Variants in CMSS1 observed in about 807,000 individuals in gnomAD.
CMSS1 encodes cms1 ribosomal small subunit homolog, also known as protein CMSS1.
In CMSS1, 33 loss-of-function variants were observed where a neutral mutation model predicts 43.5. The ratio of observed to expected loss-of-function variants is 0.76; its 90% CI spans 0.57 to 1.01. The LOEUF is 1.01. CMSS1 is among the 50% of genes least tolerant of loss of function. The pLI, the probability that CMSS1 is intolerant of heterozygous loss-of-function variation, is 0.00. For missense variants in CMSS1, 313 were observed against 326.4 expected, an observed-to-expected ratio of 0.96 and a Z score of 0.32; for synonymous variants, 115 against 117.2, an observed-to-expected ratio of 0.98 and a Z score of 0.12.
intron 2 of CMSS1, among the ~76,000 whole-genome samples, chr3:100,156,299 C>CTT (rs34413816): frequency 0.019 from 1,373 of 73,170 alleles, 145 homozygotes; most frequent in African/African-American, 0.035. Context: ...AATTTTTTTT[C>CTT]TTTTTTTTTT....
intron 1 of CMSS1, among the ~76,000 whole-genome samples, chr3:99,924,685 AT>A (rs1487076769): frequency 6.6e-6 from 1 of 151,326 alleles, no homozygotes; most frequent in Non-Finnish European, 1.5e-5. Context: ...TGCCCAACTA[AT>A]TTTTTTTGTA....
At chr3:100,036,797 C>A (rs1019895939) in intron 1 of CMSS1, among the ~76,000 whole-genome samples, 1 of 151,938 alleles carries the variant, frequency 6.6e-6, no homozygotes, top group African/African-American at 2.4e-5. Context: ...ACACTTTAAC[C>A]AAGTGATCAA....
intron 1 of CMSS1, among the ~76,000 whole-genome samples, chr3:100,038,328 T>C (rs1329798191): frequency 6.6e-6 from 1 of 152,172 alleles, no homozygotes; most frequent in Non-Finnish European, 1.5e-5. Context: ...GAGTCTATTA[T>C]TTTGAGCCCA....
At chr3:99,829,089 G>A (rs1161120539) in intron 1 of CMSS1, among the ~76,000 whole-genome samples, 1 of 152,122 alleles carries the variant, frequency 6.6e-6, no homozygotes, top group East Asian at 1.9e-4. Flanking sequence ...TGGGGAATGG[G>A]AGTTCCTTTA....
chr3:99,991,130 A>G (rs1471686752), intron 1 of CMSS1, among the ~76,000 whole-genome samples: 1 of 152,204 alleles, frequency 6.6e-6, no homozygotes, highest in Non-Finnish European at 1.5e-5. Flanking sequence ...CCATAATGGA[A>G]TATAACAGGA....
chr3:100,073,863 A>C (rs2107380971), intron 1 of CMSS1, among the ~76,000 whole-genome samples: 1 of 152,288 alleles, frequency 6.6e-6, no homozygotes, highest in Admixed American at 6.5e-5. Flanking sequence ...TTTCCTTTTA[A>C]AACACCAGAA....
At chr3:99,906,721 C>T (rs1457233543) in intron 1 of CMSS1, among the ~76,000 whole-genome samples, 1 of 152,176 alleles carries the variant, frequency 6.6e-6, no homozygotes, top group African/African-American at 2.4e-5. Flanking sequence ...GGCTGCCCAA[C>T]CAGACATTTC....
chr3:99,925,652 G>A (rs62283533), intron 1 of CMSS1, among the ~76,000 whole-genome samples: 4,303 of 152,254 alleles, frequency 0.028, 76 homozygotes, highest in Non-Finnish European at 0.045. Context: ...GGGCTTATAC[G>A]TGGATGCTAA....
intron 1 of CMSS1, among the ~76,000 whole-genome samples, chr3:99,820,784 G>C (rs537552244): frequency 3.3e-5 from 5 of 152,288 alleles, no homozygotes; most frequent in Admixed American, 1.3e-4. Flanking sequence ...ATTTGATAGG[G>C]ATGTCAAATG....
chr3:99,937,984 G>A (rs1335896487), intron 1 of CMSS1, among the ~76,000 whole-genome samples: 8 of 152,212 alleles, frequency 5.3e-5, no homozygotes, highest in Admixed American at 2.0e-4. Flanking sequence ...TCTCATAAGA[G>A]ATAGCAAAGA....
At chr3:99,997,699 C>T (rs1343474093) in intron 1 of CMSS1, among the ~76,000 whole-genome samples, 1 of 151,970 alleles carries the variant, frequency 6.6e-6, no homozygotes, top group African/African-American at 2.4e-5. Flanking sequence ...AATAATAGAG[C>T]AGATTTATTA....
rs761729949 is a variant in CMSS1, at chr3:100,176,343, C to A, written c.684C>A (p.Ser228Arg). 2.5e-6 allele frequency: 4 copies of A among 1,612,234 alleles called. No individual in the cohort carries two copies. Among genetic ancestry groups the A allele is most frequent in the Admixed American group, 3.3e-5 (2 of 59,978 alleles). Residue 228 changes from serine (S) to arginine (R), a missense_variant, in exon 9 of 10, where the codon AGC becomes AGA. Ser to Arg is a moderately radical substitution (Grantham distance 110). Transcript: ENST00000421999. ...ELVKQGGLNL[S>R]PLKFLVFDWN... ...CTCTTTCAGGTGGCCTTAATTTGAG[C>A]CCCTTAAAATTTCTGGTTTTTGACT...
chr3:99,916,356 G>A (rs1559686790), intron 1 of CMSS1, among the ~76,000 whole-genome samples: 1 of 151,770 alleles, frequency 6.6e-6, no homozygotes, highest in Admixed American at 6.6e-5. Flanking sequence ...GCTTTCTTGG[G>A]TCTCCAGTTT....
intron 1 of CMSS1, among the ~76,000 whole-genome samples, chr3:99,945,626 A>G (rs1338770278): frequency 1.3e-5 from 2 of 152,242 alleles, no homozygotes; most frequent in Admixed American, 6.5e-5. Flanking sequence ...CACACAGACT[A>G]AACTAAGCTC....
At chr3:99,952,581 A>G (rs1576596757) in intron 1 of CMSS1, among the ~76,000 whole-genome samples, 1 of 152,326 alleles carries the variant, frequency 6.6e-6, no homozygotes, top group East Asian at 1.9e-4. Context: ...CTGGTGCTAG[A>G]AAACACTATG....
intron 1 of CMSS1, among the ~76,000 whole-genome samples, chr3:99,953,576 A>G (rs1337984341): frequency 1.3e-5 from 2 of 152,206 alleles, no homozygotes; most frequent in African/African-American, 4.8e-5. Flanking sequence ...TTGCATTTTT[A>G]AAGAATTCAA....
At chr3:100,055,479 G>A (rs888569750) in intron 1 of CMSS1, among the ~76,000 whole-genome samples, 5 of 152,062 alleles carry the variant, frequency 3.3e-5, no homozygotes, top group Admixed American at 2.0e-4. Flanking sequence ...TTTGTCTCTC[G>A]TTAAGTATTT....
chr3:99,853,445 G>A (rs983024931), intron 1 of CMSS1, among the ~76,000 whole-genome samples: 24 of 152,188 alleles, frequency 1.6e-4, no homozygotes, highest in African/African-American at 5.3e-4. Context: ...TAGGATATAA[G>A]GGAGGGAAGA....
At chr3:99,850,408 C>T in intron 1 of CMSS1, 1 of 1,613,834 alleles carries the variant, frequency 6.2e-7, no homozygotes, top group Non-Finnish European at 8.5e-7. Context: ...AGCCATAATT[C>T]TTTTACTGAG....
Sources: allele counts gnomAD v4.1 joint callset (sites outside exome capture counted in the v4.1 genomes callset), GRCh38; gene constraint gnomAD v4.1.1; transcripts MANE v1.5; gene names NCBI Gene and HGNC (gene_info 2026-07-23, HGNC 2026-07-21).